IPMK: variants seen among roughly 807,000 people sequenced by gnomAD.
IPMK encodes inositol 1,3,4,6-tetrakisphosphate 5-kinase.
Under a neutral mutation model 45.8 loss-of-function variants are expected in IPMK, and 17 were observed. The observed-to-expected ratio is 0.37, with a 90% CI of 0.25 to 0.56. IPMK has a LOEUF of 0.56. IPMK is among the 20% of genes least tolerant of loss of function. The pLI is 0.79. For missense variants in IPMK, 399 were observed against 498.0 expected (o/e 0.80, Z 1.89); for synonymous variants, 180 against 184.3 (o/e 0.98, Z 0.19).
intron 1 of IPMK, among the ~76,000 whole-genome samples, chr10:58,264,932 G>C (rs1471744813): frequency 6.6e-6 from 1 of 152,194 alleles, no homozygotes; most frequent in Non-Finnish European, 1.5e-5. Context: ...TAGACAGGAA[G>C]TAGTTACCAG....
intron 1 of IPMK, among the ~76,000 whole-genome samples, chr10:58,246,798 A>G (rs906911860): frequency 2.0e-5 from 3 of 152,086 alleles, no homozygotes; most frequent in African/African-American, 7.3e-5. Context: ...GCCAAAATTG[A>G]CAAATGGGAT....
intron 1 of IPMK, among the ~76,000 whole-genome samples, chr10:58,239,917 C>T (rs371877845): frequency 2.0e-5 from 3 of 152,140 alleles, no homozygotes; most frequent in African/African-American, 7.2e-5. Flanking sequence ...CAGGAAAGGG[C>T]ATGTACTGCA....
chr10:58,246,517 G>A (rs944961604), intron 1 of IPMK, among the ~76,000 whole-genome samples: 4 of 141,600 alleles, frequency 2.8e-5, no homozygotes, highest in East Asian at 2.1e-4. Context: ...ACAACTATCC[G>A]ATCTTTGACA....
At chr10:58,245,172 G>GTGAGCTGAGGTCATGCCAC in intron 1 of IPMK, among the ~76,000 whole-genome samples, 1 of 150,386 alleles carries the variant, frequency 6.6e-6, no homozygotes, top group African/African-American at 2.5e-5. Context: ...AAATAAGCCA[G>GTGAGCTGAGGTCATGCCAC]TGTAACAAAA....
chr10:58,246,903 C>T (rs542161689), intron 1 of IPMK, among the ~76,000 whole-genome samples: 1 of 151,152 alleles, frequency 6.6e-6, no homozygotes, highest in East Asian at 1.9e-4. Flanking sequence ...GCAACCTACT[C>T]ATCTGACAAA....
chr10:58,218,243 C>T (rs1838278942), intron 3 of IPMK, among the ~76,000 whole-genome samples: 1 of 152,036 alleles, frequency 6.6e-6, no homozygotes, highest in East Asian at 1.9e-4. Context: ...TAAGAGAAAA[C>T]AAAAGATCTT....
chr10:58,211,884 C>A (rs1473883900), intron 4 of IPMK, among the ~76,000 whole-genome samples: 1 of 109,764 alleles, frequency 9.1e-6, no homozygotes, highest in Non-Finnish European at 1.8e-5. Context: ...TGCACTCCAG[C>A]CTGGGTGACA....
intron 1 of IPMK, among the ~76,000 whole-genome samples, chr10:58,249,702 T>C (rs930599930): frequency 3.3e-5 from 5 of 152,358 alleles, no homozygotes; most frequent in South Asian, 2.1e-4. Context: ...TTTGGCTTGA[T>C]GTAACCCCAT....
At chr10:58,253,924 ACTG>A (rs1468939507) in intron 1 of IPMK, among the ~76,000 whole-genome samples, 4 of 151,894 alleles carry the variant, frequency 2.6e-5, no homozygotes, top group Non-Finnish European at 4.4e-5. Context: ...GGCTCCATTG[ACTG>A]AGATATGTTT....
chr10:58,233,397 GATGA>G (rs1226330875), intron 2 of IPMK, among the ~76,000 whole-genome samples: 2 of 152,156 alleles, frequency 1.3e-5, no homozygotes, highest in Non-Finnish European at 2.9e-5. Flanking sequence ...CAACGTCCCT[GATGA>G]ATGTCGATGC....
In IPMK at chr10:58,195,526, A is replaced by G. The variant is rs1256529110; in HGVS notation, c.*550T>C. On this transcript the variant is annotated 3_prime_UTR_variant, in exon 6 of 6. Transcript: ENST00000373935. ...TGCTTTTGGAATGCAACAATTCTAA[A>G]TCATTTCACTAAGGAGCACCCTTTG... 1 of 152,154 alleles carries G rather than the reference A, an allele frequency of 6.6e-6. No individual in the cohort carries two copies. The highest frequency in any genetic ancestry group is 2.4e-5 in the African/African-American group (1 of 41,444). The allele number at this position is 152,154 out of a possible 1,614,324, so 9.4% of individuals were successfully genotyped here.
chr10:58,258,493 A>C (rs1200328613), intron 1 of IPMK, among the ~76,000 whole-genome samples: 1 of 152,202 alleles, frequency 6.6e-6, no homozygotes, highest in Non-Finnish European at 1.5e-5. Flanking sequence ...CAAGTCTAAA[A>C]TCTAACAAGA....
intron 4 of IPMK, among the ~76,000 whole-genome samples, chr10:58,211,919 A>AAAAAAAAAATAAAAT (rs967150743): frequency 2.0e-5 from 3 of 148,284 alleles, no homozygotes; most frequent in African/African-American, 7.8e-5. Flanking sequence ...AAAAAAAAAA[A>AAAAAAAAAATAAAAT]AAAAAATTTG....
At position 58,267,646 on chromosome 10, in the gene IPMK, A is replaced by G. The variant is rs987975017; in HGVS notation, c.-35T>C. ...CAGAAGCGGTAACGGCAGCGAGAGT[A>G]GGAAAAAAAATAGGGCGAGGGAGGG... is the stretch of plus-strand genomic sequence containing the variant. On this transcript the variant is annotated 5_prime_UTR_variant, in exon 1 of 6. Transcript: ENST00000373935. 3.4e-6 allele frequency: 5 copies of G among 1,479,320 alleles called. No individual in the cohort carries two copies. Among genetic ancestry groups the G allele is most frequent in the Non-Finnish European group, 3.7e-6 (4 of 1,082,122 alleles). 91.6% of individuals were successfully genotyped at this position (1,479,320 alleles called of 1,614,324 possible). A position where few individuals can be genotyped will look rare whatever the true frequency, so the allele number is the denominator to read the frequency against.
chr10:58,266,813 C>T (rs1312542176), intron 1 of IPMK, among the ~76,000 whole-genome samples: 3 of 152,098 alleles, frequency 2.0e-5, no homozygotes, highest in African/African-American at 7.2e-5. Flanking sequence ...AATTTCCCAC[C>T]AGGAATCCGA....
chr10:58,226,129 G>A (rs529594224), intron 3 of IPMK, among the ~76,000 whole-genome samples: 1 of 152,244 alleles, frequency 6.6e-6, no homozygotes, highest in African/African-American at 2.4e-5. Flanking sequence ...CTATCAGCTA[G>A]CTGAGGATAC....
chr10:58,200,530 T>C (rs529166953), intron 4 of IPMK, among the ~76,000 whole-genome samples: 5 of 152,304 alleles, frequency 3.3e-5, no homozygotes, highest in Non-Finnish European at 7.4e-5. Flanking sequence ...AGAACTAACC[T>C]TGCCATCCTA....
At chr10:58,245,084 A>T (rs1469196652) in intron 1 of IPMK, among the ~76,000 whole-genome samples, 9 of 151,496 alleles carry the variant, frequency 5.9e-5, no homozygotes, top group African/African-American at 2.2e-4. Context: ...ATTAAAATAA[A>T]AAAATTAAAA....
At chr10:58,205,698 G>C (rs1454485843) in intron 4 of IPMK, among the ~76,000 whole-genome samples, 2 of 152,058 alleles carry the variant, frequency 1.3e-5, no homozygotes, top group Non-Finnish European at 1.5e-5. Flanking sequence ...AGGGTGGCTA[G>C]GGATTTAAAA....
Sources: gnomAD v4.1 joint callset for allele counts (sites outside exome capture counted in the v4.1 genomes callset) on GRCh38, gnomAD v4.1.1 for gene constraint, MANE v1.5 for transcripts, NCBI Gene and HGNC (gene_info 2026-07-23, HGNC 2026-07-21) for gene names.